The following RTN1 variants were observed in gnomAD, a reference collection of about 807,000 sequenced individuals.
RTN1 encodes the protein reticulon-1.
Under a neutral mutation model 65.5 loss-of-function variants are expected in RTN1, and 25 were observed. The ratio of observed to expected loss-of-function variants is 0.38; its 90% CI spans 0.28 to 0.53. RTN1 has a LOEUF of 0.53. Among genes scored for constraint, RTN1 ranks in the 20% least tolerant of loss-of-function variants. The pLI is 0.79. For synonymous variants in RTN1, 471 were observed against 447.6 expected, an observed-to-expected ratio of 1.05 and a Z score of -0.66; for missense variants, 983 against 1,025.4, an observed-to-expected ratio of 0.96 and a Z score of 0.57.
chr14:59,792,534 T>C (rs2139590053), intron 1 of RTN1, among the ~76,000 whole-genome samples: 1 of 152,288 alleles, frequency 6.6e-6, no homozygotes, highest in African/African-American at 2.4e-5. Flanking sequence ...AGATAACATC[T>C]GTCTTAGTAT....
At chr14:59,635,848 TATAAG>T (rs1193400904) in intron 3 of RTN1, among the ~76,000 whole-genome samples, 1 of 152,126 alleles carries the variant, frequency 6.6e-6, no homozygotes, top group African/African-American at 2.4e-5. Context: ...GAAAAAGACA[TATAAG>T]AGAATGAATA....
At chr14:59,792,006 C>A (rs997763873) in intron 1 of RTN1, among the ~76,000 whole-genome samples, 1 of 152,080 alleles carries the variant, frequency 6.6e-6, no homozygotes, top group Non-Finnish European at 1.5e-5. Context: ...TCTCCTGCCC[C>A]CTCCCCTGCC....
chr14:59,749,649 T>TA lies in RTN1; in HGVS notation c.242-3169_242-3168insT, dbSNP rs1885381970. ...TCTATATATAGATATCTATATATAT[T>TA]TATATAGATATCTATATATATTTAT... On this transcript the variant is annotated intron_variant, in intron 1 of 8. Transcript: ENST00000267484. 8.2e-5 allele frequency among the ~76,000 whole-genome samples: 3 copies of TA among 36,584 alleles called. No homozygotes were observed. The South Asian group carries it at 1.7e-3, about 20-fold the overall frequency. The allele number at this position is 36,584 out of a possible 152,430, so 24.0% of individuals were successfully genotyped here. A position where few individuals can be genotyped will look rare whatever the true frequency, so the allele number is the denominator to read the frequency against.
chr14:59,749,086 G>A (rs1031717614), intron 1 of RTN1, among the ~76,000 whole-genome samples: 3 of 130,758 alleles, frequency 2.3e-5, no homozygotes, highest in South Asian at 2.3e-4. Context: ...CCACGCCGGG[G>A]CATCTATATA....
intron 1 of RTN1, among the ~76,000 whole-genome samples, chr14:59,813,153 T>A (rs539862441): frequency 6.6e-6 from 1 of 152,308 alleles, no homozygotes; most frequent in South Asian, 2.1e-4. Flanking sequence ...AAAAGAAACT[T>A]GAGTTGTGGA....
rs1306827089 is a variant in RTN1 at position 59,819,440 on chromosome 14, C to T, written c.241+50950G>A. ...CCCCCCCCCCACCCCCCACCCCCCC[C>T]CCCCGGCCACAGCTAGACACAGAGT... On this transcript the variant is annotated intron_variant, in intron 1 of 8. Transcript: ENST00000267484. 1.9e-4 allele frequency among the ~76,000 whole-genome samples: 10 copies of T among 52,486 alleles called. No homozygotes were observed. In the East Asian group the frequency reaches 2.2e-3, roughly 11 times the overall value. The allele number at this position is 52,486 out of a possible 152,430, so 34.4% of individuals were successfully genotyped here. A position where few individuals can be genotyped will look rare whatever the true frequency, so the allele number is the denominator to read the frequency against.
chr14:59,806,214 G>A (rs911988335), intron 1 of RTN1, among the ~76,000 whole-genome samples: 1 of 151,550 alleles, frequency 6.6e-6, no homozygotes, highest in African/African-American at 2.4e-5. Context: ...CCAGCCTGGT[G>A]ACAGGGTGAG....
chr14:59,640,261 A>G (rs1882748687), intron 3 of RTN1, among the ~76,000 whole-genome samples: 1 of 152,118 alleles, frequency 6.6e-6, no homozygotes, highest in South Asian at 2.1e-4. Context: ...ATTTCTGCTT[A>G]TGTCAATGTT....
At chr14:59,616,686 G>C (rs1159132963) in intron 3 of RTN1, among the ~76,000 whole-genome samples, 1 of 152,116 alleles carries the variant, frequency 6.6e-6, no homozygotes, top group Admixed American at 6.5e-5. Flanking sequence ...TTTAATAGTG[G>C]CTATAGCCTT....
At chr14:59,824,687 T>A (rs951490386) in intron 1 of RTN1, among the ~76,000 whole-genome samples, 35 of 152,206 alleles carry the variant, frequency 2.3e-4, no homozygotes, top group African/African-American at 7.9e-4. Context: ...GTCGCTGGGG[T>A]TTTTTCCCAA....
intron 3 of RTN1, among the ~76,000 whole-genome samples, chr14:59,685,808 AAAAAC>A (rs2140224692): frequency 6.6e-6 from 1 of 152,334 alleles, no homozygotes; most frequent in South Asian, 2.1e-4. Flanking sequence ...AAGAAATAGA[AAAAAC>A]AAACCAGAAA....
At chr14:59,830,996 G>A (rs1404608833) in intron 1 of RTN1, among the ~76,000 whole-genome samples, 8 of 152,188 alleles carry the variant, frequency 5.3e-5, no homozygotes, top group African/African-American at 1.2e-4. Context: ...GTTTCCCAAT[G>A]AGAATGAGTT....
intron 1 of RTN1, among the ~76,000 whole-genome samples, chr14:59,749,190 A>C (rs1428744100): frequency 1.2e-5 from 1 of 85,784 alleles, no homozygotes; most frequent in Non-Finnish European, 2.0e-5. Flanking sequence ...ATATCTATCT[A>C]TATATATCTA....
chr14:59,843,118 T>C (rs528890611), intron 1 of RTN1, among the ~76,000 whole-genome samples: 2 of 152,364 alleles, frequency 1.3e-5, no homozygotes, highest in African/African-American at 4.8e-5. Context: ...AATTATGATA[T>C]ATTTCTATTG....
intron 3 of RTN1, among the ~76,000 whole-genome samples, chr14:59,619,107 G>A (rs1167340870): frequency 6.6e-6 from 1 of 152,164 alleles, no homozygotes; most frequent in Non-Finnish European, 1.5e-5. Flanking sequence ...AAGGAGATGG[G>A]GTGGATAAAA....
intron 1 of RTN1, among the ~76,000 whole-genome samples, chr14:59,757,471 C>T (rs1885663035): frequency 6.6e-6 from 1 of 152,180 alleles, no homozygotes; most frequent in African/African-American, 2.4e-5. Context: ...CTTCCTTCGT[C>T]TTCCGCCATG....
At chr14:59,750,015 T>TACA (rs1491493621) in intron 1 of RTN1, among the ~76,000 whole-genome samples, 2 of 70,898 alleles carry the variant, frequency 2.8e-5, no homozygotes, top group African/African-American at 1.1e-4. Context: ...TACATATATA[T>TACA]TATATATTAT....
At chr14:59,647,410 G>C (rs1407202279) in intron 3 of RTN1, among the ~76,000 whole-genome samples, 1 of 152,110 alleles carries the variant, frequency 6.6e-6, no homozygotes, top group Non-Finnish European at 1.5e-5. Flanking sequence ...AAATTAACAA[G>C]GATATTTCAG....
At chr14:59,833,759 G>T (rs1000027637) in intron 1 of RTN1, among the ~76,000 whole-genome samples, 8 of 152,046 alleles carry the variant, frequency 5.3e-5, no homozygotes, top group African/African-American at 1.9e-4. Flanking sequence ...AGAATATGCA[G>T]GCTCTAGTAA....
Sources: gnomAD v4.1 joint callset for allele counts (sites outside exome capture counted in the v4.1 genomes callset) on GRCh38, gnomAD v4.1.1 for gene constraint, MANE v1.5 for transcripts, NCBI Gene and HGNC (gene_info 2026-07-23, HGNC 2026-07-21) for gene names.